NAA40: variants seen among roughly 807,000 people sequenced by gnomAD.
The protein encoded by NAA40 is N-alpha-acetyltransferase 40, NatD catalytic subunit, also known as N-alpha-acetyltransferase 40.
In NAA40, 26 loss-of-function variants were observed where a neutral mutation model predicts 36.6. The observed-to-expected ratio is 0.71, with a 90% CI of 0.52 to 0.98. NAA40 has a LOEUF of 0.98. Ranked by LOEUF, NAA40 falls within the 50% of genes least tolerant of loss-of-function variation. NAA40 has a pLI of 0.00. For synonymous variants in NAA40, 129 were observed against 108.4 expected (o/e 1.19, Z -1.18); for missense variants, 237 against 306.5 (o/e 0.77, Z 1.69).
At chr11:63,946,178 C>T in intron 2 of NAA40, 1 of 536,804 alleles carries the variant, frequency 1.9e-6, no homozygotes, top group Non-Finnish European at 3.3e-6. Context: ...GGATCTTCTT[C>T]CTTATGAATA....
chr11:63,955,288 G>A lies in NAA40; in HGVS notation c.*809G>A, dbSNP rs879201313. 1 of 152,612 alleles carries A rather than the reference G, an allele frequency of 6.6e-6. No homozygotes were observed. The highest frequency in any genetic ancestry group is 2.1e-4 in the South Asian group (1 of 4,838). 9.5% of individuals were successfully genotyped at this position (152,612 alleles called of 1,614,324 possible). A position where few individuals can be genotyped will look rare whatever the true frequency, so the allele number is the denominator to read the frequency against. On this transcript the variant is annotated 3_prime_UTR_variant, in exon 8 of 8. Coordinates refer to ENST00000377793, the MANE Select transcript of NAA40 (RefSeq NM_024771.4). ...TTTGATTCATAGAAGAAAGCCAGAG[G>A]TTCTGCTTGTTCTTGTCTGCCAGCC...
chr11:63,954,133 G>A (rs1043676592), intron 7 of NAA40, 84 bp downstream of exon 7: 3 of 1,466,776 alleles, frequency 2.0e-6, no homozygotes, highest in Admixed American at 3.5e-5. Context: ...CACTCATTCT[G>A]ATGCCTGAGC....
At chr11:63,954,234 C>T in intron 7 of NAA40, 104 bp from the exon 8 acceptor site, 1 of 1,462,316 alleles carries the variant, frequency 6.8e-7, no homozygotes, top group South Asian at 1.3e-5. Context: ...CCTGCACCCT[C>T]ATCCTAAGGG....
rs1325746976 is a variant in NAA40, at chr11:63,954,891, G to T, written c.*412G>T. The T allele has an allele frequency of 6.4e-6, 1 of 155,862 alleles. No individual in the cohort carries two copies. Among genetic ancestry groups the T allele is most frequent in the Admixed American group, 6.5e-5 (1 of 15,344 alleles). The allele number at this position is 155,862 out of a possible 1,614,324, so 9.7% of individuals were successfully genotyped here. A position where few individuals can be genotyped will look rare whatever the true frequency, so the allele number is the denominator to read the frequency against. ...CTTTATGAAAGTTCTGGAGTCCTGG[G>T]TCTGGGGTTTGCTGGTCCCCAAAGA... On this transcript the variant is annotated 3_prime_UTR_variant, in exon 8 of 8. Coordinates refer to ENST00000377793, the MANE Select transcript of NAA40 (RefSeq NM_024771.4).
Position 63,952,576 on chromosome 11 carries a change from T to A in NAA40, c.410+11T>A. ...TGAAGTCCTGTACTGGTAGGAGCCA[T>A]GGCTTGGGGGAGGTAGGGGAGAGAG... On this transcript the variant is annotated intron_variant, in intron 5 of 7. Transcript: ENST00000377793. 1 of 1,612,734 alleles carries A rather than the reference T, an allele frequency of 6.2e-7. No homozygotes were observed. Among genetic ancestry groups the A allele is most frequent in the Non-Finnish European group, 8.5e-7 (1 of 1,178,870 alleles).
At chr11:63,940,300 AGG>A (rs1942088221) in intron 1 of NAA40, among the ~76,000 whole-genome samples, 1 of 151,972 alleles carries the variant, frequency 6.6e-6, no homozygotes, top group South Asian at 2.1e-4. Flanking sequence ...TCACCCGCCT[AGG>A]CCTCCCAAAG....
chr11:63,940,879 A>G (rs1178941434), intron 1 of NAA40, among the ~76,000 whole-genome samples: 1 of 152,238 alleles, frequency 6.6e-6, no homozygotes, highest in African/African-American at 2.4e-5. Context: ...AATTTTGGTG[A>G]AAGGTCCTAG....
chr11:63,946,549 C>T, intron 2 of NAA40: 1 of 1,170,706 alleles, frequency 8.5e-7, no homozygotes, highest in Non-Finnish European at 1.1e-6. Flanking sequence ...TCTTTTAACC[C>T]ACTCATAGTA....
rs10708671 is a variant in NAA40, at chr11:63,949,743, GTT to G, written c.156-2477_156-2476del. 1.4e-3 allele frequency among the ~76,000 whole-genome samples: 147 copies of G among 108,386 alleles called. No individual in the cohort carries two copies. In the East Asian group the frequency reaches 0.029, roughly 21 times the overall value. 71.1% of individuals were successfully genotyped at this position (108,386 alleles called of 152,430 possible). A position where few individuals can be genotyped will look rare whatever the true frequency, so the allele number is the denominator to read the frequency against. The stretch of plus-strand genomic sequence containing the variant: ...GATGATGATGCCAAACTTGCAAGCT[GTT>G]TTTTTTTTTTTTTTTTTGAGATGGT... On this transcript the variant is annotated intron_variant, in intron 3 of 7. Coordinates refer to ENST00000377793, the MANE Select transcript of NAA40 (RefSeq NM_024771.4).
intron 1 of NAA40, among the ~76,000 whole-genome samples, chr11:63,942,905 C>T (rs1160818476): frequency 2.0e-5 from 3 of 152,156 alleles, no homozygotes; most frequent in Non-Finnish European, 2.9e-5. Flanking sequence ...ACTAGAGGCC[C>T]GGCTGGCCCT....
At chr11:63,941,604 G>C (rs753550013) in intron 1 of NAA40, among the ~76,000 whole-genome samples, 3 of 151,812 alleles carry the variant, frequency 2.0e-5, no homozygotes, top group Non-Finnish European at 4.4e-5. Flanking sequence ...CCAGGCTGGA[G>C]TGCAGTGGCA....
intron 1 of NAA40, among the ~76,000 whole-genome samples, chr11:63,944,902 C>CAAAA (rs113133922): frequency 1.3e-4 from 16 of 126,062 alleles, no homozygotes; most frequent in South Asian, 1.1e-3. Context: ...GACTCCATCT[C>CAAAA]AAAAAAAAAA....
At chr11:63,950,427 CTT>C (rs1195856326) in intron 3 of NAA40, among the ~76,000 whole-genome samples, 2 of 148,444 alleles carry the variant, frequency 1.3e-5, no homozygotes, top group African/African-American at 5.0e-5. Flanking sequence ...CCTGGAAAGT[CTT>C]TTGACATACT....
At chr11:63,948,008 C>T (rs1008082937) in intron 3 of NAA40, among the ~76,000 whole-genome samples, 1 of 152,130 alleles carries the variant, frequency 6.6e-6, no homozygotes, top group Non-Finnish European at 1.5e-5. Context: ...GTGTGAGCCA[C>T]TGCGCCCAGC....
rs1351500836 is a variant in NAA40 at position 63,947,029 on chromosome 11, T to C, written c.155+26T>C. ...GTGAGTCACATTGAGCATTACCAAC[T>C]GCTGTCTCCTCGAGTGTCTTCAGGA... On this transcript the variant is annotated intron_variant, in intron 3 of 7. Coordinates refer to ENST00000377793, the MANE Select transcript of NAA40 (RefSeq NM_024771.4). The C allele has an allele frequency of 2.5e-6, 4 of 1,603,818 alleles. No individual in the cohort carries two copies. In the African/African-American group the frequency reaches 5.4e-5, roughly 21 times the overall value.
rs1034442091 is a variant in NAA40 at position 63,954,761 on chromosome 11, G to A, written c.*282G>A. On this transcript the variant is annotated 3_prime_UTR_variant, in exon 8 of 8. Coordinates refer to ENST00000377793, the MANE Select transcript of NAA40 (RefSeq NM_024771.4). ...GTGGCTGCCTCCTCATTTGGCTCCT[G>A]GGGCCTGCAGTGGAGGTTCTCGCAC... 2 of 295,502 alleles carry A rather than the reference G, an allele frequency of 6.8e-6. No individual in the cohort carries two copies. The highest frequency in any genetic ancestry group is 2.2e-5 in the African/African-American group (1 of 46,088). The allele number at this position is 295,502 out of a possible 1,614,324, so 18.3% of individuals were successfully genotyped here.
chr11:63,949,979 T>C (rs932860521), intron 3 of NAA40, among the ~76,000 whole-genome samples: 3 of 151,554 alleles, frequency 2.0e-5, no homozygotes, highest in African/African-American at 4.8e-5. Context: ...CTCCTGACCT[T>C]GTGATCCGCC....
chr11:63,947,154 C>G lies in NAA40; in HGVS notation c.155+151C>G, dbSNP rs543182629. ...GGGTGCGGTGGCTCACGCCTGTAAT[C>G]CAAGCACTTTGGGAGACCGAGGTGG... is the stretch of plus-strand genomic sequence containing the variant. On this transcript the variant is annotated intron_variant, in intron 3 of 7. Transcript: ENST00000377793. The G allele has an allele frequency of 1.1e-5, 9 of 800,740 alleles. No individual in the cohort carries two copies. The Admixed American group carries it at 1.7e-4, about 15-fold the overall frequency. The allele number at this position is 800,740 out of a possible 1,614,324, so 49.6% of individuals were successfully genotyped here. A position where few individuals can be genotyped will look rare whatever the true frequency, so the allele number is the denominator to read the frequency against.
At chr11:63,951,215 T>G (rs1405532000) in intron 3 of NAA40, among the ~76,000 whole-genome samples, 1 of 152,228 alleles carries the variant, frequency 6.6e-6, no homozygotes, top group Non-Finnish European at 1.5e-5. Context: ...CTAGGGAATG[T>G]GATTTCACAG....
Sources: gnomAD v4.1 joint callset for allele counts (sites outside exome capture counted in the v4.1 genomes callset) on GRCh38, gnomAD v4.1.1 for gene constraint, MANE v1.5 for transcripts, NCBI Gene and HGNC (gene_info 2026-07-23, HGNC 2026-07-21) for gene names.